The following FAM13C variants were observed in gnomAD, a reference collection of about 807,000 sequenced individuals.
The protein encoded by FAM13C is family with sequence similarity 13 member C.
A neutral mutation model predicts 73.2 loss-of-function variants in FAM13C; 37 were observed. The ratio of observed to expected loss-of-function variants is 0.51; its 90% CI spans 0.39 to 0.67. FAM13C has a LOEUF of 0.67. FAM13C is among the 30% of genes least tolerant of loss of function. The pLI, the probability that FAM13C is intolerant of heterozygous loss-of-function variation, is 0.00. For synonymous variants in FAM13C, 246 were observed against 260.9 expected (o/e 0.94, Z 0.55); for missense variants, 589 against 715.6 (o/e 0.82, Z 2.02).
chr10:59,302,335 G>A (rs961609477), intron 5 of FAM13C, among the ~76,000 whole-genome samples: 8 of 152,106 alleles, frequency 5.3e-5, no homozygotes, highest in African/African-American at 1.9e-4. Context: ...TGGAAAATAC[G>A]GCTTCACGTC....
intron 5 of FAM13C, among the ~76,000 whole-genome samples, chr10:59,284,016 T>C (rs980948064): frequency 5.4e-5 from 8 of 148,580 alleles, no homozygotes; most frequent in Non-Finnish European, 7.4e-5. Context: ...CTAGTCCACA[T>C]TGGTATGCTG....
At chr10:59,351,850 G>T (rs578155506) in intron 3 of FAM13C, among the ~76,000 whole-genome samples, 3 of 152,182 alleles carry the variant, frequency 2.0e-5, no homozygotes, top group African/African-American at 7.2e-5. Context: ...AAAAAAATTA[G>T]CCAGGCATGG....
chr10:59,291,785 CTTTTT>C (rs3078288), intron 5 of FAM13C, among the ~76,000 whole-genome samples: 3 of 72,764 alleles, frequency 4.1e-5, no homozygotes, highest in Admixed American at 1.6e-4. Context: ...TATAAACTCC[CTTTTT>C]TTTTTTTTTT....
At chr10:59,341,786 T>C (rs978907706) in intron 3 of FAM13C, among the ~76,000 whole-genome samples, 1 of 152,090 alleles carries the variant, frequency 6.6e-6, no homozygotes, top group African/African-American at 2.4e-5. Context: ...TAAAAATGAT[T>C]AATAACAAAA....
At chr10:59,274,293 T>G (rs1844075169) in intron 6 of FAM13C, among the ~76,000 whole-genome samples, 1 of 152,106 alleles carries the variant, frequency 6.6e-6, no homozygotes, top group Non-Finnish European at 1.5e-5. Flanking sequence ...AGCTATATGG[T>G]TAGGGGAGAG....
intron 8 of FAM13C, among the ~76,000 whole-genome samples, chr10:59,264,883 T>G (rs1300208442): frequency 6.6e-6 from 1 of 152,082 alleles, no homozygotes; most frequent in Non-Finnish European, 1.5e-5. Context: ...CTGAAGAAAA[T>G]TAATGGTTAC....
intron 4 of FAM13C, among the ~76,000 whole-genome samples, chr10:59,312,071 G>A (rs1415531898): frequency 1.3e-5 from 2 of 151,416 alleles, no homozygotes; most frequent in Non-Finnish European, 2.9e-5. Context: ...TTAGATCAGG[G>A]ACAGATGCAG....
rs1317007907 is a variant in FAM13C at position 59,326,075 on chromosome 10, CTT to C, written c.325-1971_325-1970del. ...TTTGAAAATAGTATTTTATCTAACT[CTT>C]TGAATCTTCAAAAGTTGAGAAGGGT... On this transcript the variant is annotated intron_variant, in intron 3 of 13. Coordinates refer to ENST00000618804, the MANE Select transcript of FAM13C (RefSeq NM_198215.4). Among the ~76,000 whole-genome samples the C allele has an allele frequency of 4.0e-5, 6 of 151,838 alleles. No individual in the cohort carries two copies. In the East Asian group the frequency reaches 1.2e-3, roughly 30 times the overall value.
chr10:59,358,930 GT>G (rs1856050062), intron 1 of FAM13C, among the ~76,000 whole-genome samples: 1 of 152,184 alleles, frequency 6.6e-6, no homozygotes, highest in Non-Finnish European at 1.5e-5. Flanking sequence ...CATGGCACAT[GT>G]TTACAACCTC....
At chr10:59,324,152 A>C (rs764583174) in intron 3 of FAM13C, 46 bp from the exon 4 acceptor site, 1 of 1,457,348 alleles carries the variant, frequency 6.9e-7, no homozygotes, top group East Asian at 2.3e-5. Context: ...AACAGCAATC[A>C]GTTCCATAGC....
intron 1 of FAM13C, chr10:59,361,236 T>G (rs1781757313): frequency 2.0e-6 from 1 of 491,900 alleles, no homozygotes; most frequent in Non-Finnish European, 3.3e-6. Context: ...GTGACTCCAC[T>G]TAAGTCTGCT....
intron 3 of FAM13C, among the ~76,000 whole-genome samples, chr10:59,342,731 T>A (rs936249224): frequency 6.6e-6 from 1 of 152,202 alleles, no homozygotes; most frequent in Non-Finnish European, 1.5e-5. Context: ...ATGTTATGCC[T>A]CAGTTCCTGA....
At chr10:59,264,030 T>TC in intron 9 of FAM13C, 55 bp downstream of exon 9, 1 of 1,483,402 alleles carries the variant, frequency 6.7e-7, no homozygotes, top group Non-Finnish European at 9.4e-7. Context: ...GAGCACATTA[T>TC]CACTAGTTTA....
At chr10:59,339,696 G>C (rs1246948786) in intron 3 of FAM13C, among the ~76,000 whole-genome samples, 1 of 152,158 alleles carries the variant, frequency 6.6e-6, no homozygotes, top group Non-Finnish European at 1.5e-5. Flanking sequence ...ACCTAATTTG[G>C]AAAATTGAGC....
At chr10:59,345,056 A>G (rs989874622) in intron 3 of FAM13C, among the ~76,000 whole-genome samples, 1 of 152,176 alleles carries the variant, frequency 6.6e-6, no homozygotes, top group African/African-American at 2.4e-5. Flanking sequence ...ATTAGAATTT[A>G]TTTAAGTATG....
chr10:59,295,429 T>C (rs1564540215), intron 5 of FAM13C, among the ~76,000 whole-genome samples: 1 of 152,146 alleles, frequency 6.6e-6, no homozygotes, highest in African/African-American at 2.4e-5. Flanking sequence ...TGACAGCCTC[T>C]AGAAGCTGAG....
intron 10 of FAM13C, among the ~76,000 whole-genome samples, chr10:59,260,136 A>G (rs1842356116): frequency 6.6e-6 from 1 of 152,050 alleles, no homozygotes; most frequent in Non-Finnish European, 1.5e-5. Flanking sequence ...CTACCTTCAA[A>G]ATATACTTTG....
chr10:59,347,576 G>A (rs537238892), intron 3 of FAM13C, among the ~76,000 whole-genome samples: 1 of 151,930 alleles, frequency 6.6e-6, no homozygotes, highest in Admixed American at 6.6e-5. Context: ...CGTGCAGAAT[G>A]TGCAATTTTG....
At chr10:59,253,522 A>G (rs1841613702) in intron 11 of FAM13C, among the ~76,000 whole-genome samples, 1 of 152,222 alleles carries the variant, frequency 6.6e-6, no homozygotes, top group South Asian at 2.1e-4. Flanking sequence ...GTTACTCCTC[A>G]ACTGTTCTGA....
Sources: allele counts gnomAD v4.1 joint callset (sites outside exome capture counted in the v4.1 genomes callset), GRCh38; gene constraint gnomAD v4.1.1; transcripts MANE v1.5; gene names NCBI Gene and HGNC (gene_info 2026-07-23, HGNC 2026-07-21).